Variants in PIAS2 observed in about 807,000 individuals in gnomAD.
PIAS2 encodes E3 SUMO-protein ligase PIAS2.
A neutral mutation model predicts 69.7 loss-of-function variants in PIAS2; 19 were observed. The observed-to-expected ratio is 0.27, with a 90% CI of 0.19 to 0.40. The LOEUF (loss-of-function observed/expected upper bound fraction) is 0.40, where lower values mean the gene tolerates loss of function less well. Ranked by LOEUF, PIAS2 falls within the 10% of genes least tolerant of loss-of-function variation. The pLI, the probability that PIAS2 is intolerant of heterozygous loss-of-function variation, is 1.00. For synonymous variants in PIAS2, 261 were observed against 263.2 expected, an observed-to-expected ratio of 0.99 and a Z score of 0.08; for missense variants, 624 against 757.0, an observed-to-expected ratio of 0.82 and a Z score of 2.06.
intron 12 of PIAS2, among the ~76,000 whole-genome samples, chr18:46,819,813 T>C (rs2041971520): frequency 1.3e-5 from 2 of 152,062 alleles, no homozygotes; most frequent in South Asian, 2.1e-4. Context: ...GCAAAAGCAA[T>C]AGCTATGGAG....
chr18:46,904,680 G>A (rs2056355526), intron 1 of PIAS2, among the ~76,000 whole-genome samples: 1 of 151,924 alleles, frequency 6.6e-6, no homozygotes, highest in African/African-American at 2.4e-5. Flanking sequence ...GAACCCACGA[G>A]GTGGAGGTTG....
At chr18:46,899,902 A>G (rs1345617929) in intron 1 of PIAS2, among the ~76,000 whole-genome samples, 1 of 152,224 alleles carries the variant, frequency 6.6e-6, no homozygotes, top group African/African-American at 2.4e-5. Flanking sequence ...TCCTGACAGC[A>G]TCAGGAAAAA....
chr18:46,827,250 T>C (rs919302385), intron 11 of PIAS2: 4 of 152,186 alleles, frequency 2.6e-5, no homozygotes, highest in South Asian at 2.1e-4. Flanking sequence ...TCTCCTTTTA[T>C]GGTTCAAAAC....
chr18:46,863,983 G>A (rs2049048537), intron 3 of PIAS2, among the ~76,000 whole-genome samples, 181 bp downstream of exon 3: 1 of 152,134 alleles, frequency 6.6e-6, no homozygotes, highest in Non-Finnish European at 1.5e-5. Context: ...TGCAAGCCAA[G>A]GAGAAAGGCT....
chr18:46,843,506 A>G (rs2045725416), intron 8 of PIAS2, among the ~76,000 whole-genome samples: 1 of 152,202 alleles, frequency 6.6e-6, no homozygotes, highest in African/African-American at 2.4e-5. Flanking sequence ...AAACTCAATT[A>G]TTAACATTCT....
chr18:46,887,078 C>A (rs981224968), intron 2 of PIAS2, among the ~76,000 whole-genome samples: 2 of 152,026 alleles, frequency 1.3e-5, no homozygotes, highest in Non-Finnish European at 2.9e-5. Flanking sequence ...GAGTCTAAAA[C>A]GTTCTTTTTA....
chr18:46,819,262 T>C (rs1267980910), intron 12 of PIAS2, among the ~76,000 whole-genome samples: 2 of 152,130 alleles, frequency 1.3e-5, no homozygotes, highest in South Asian at 2.1e-4. Flanking sequence ...TAAAAGGCAG[T>C]TGGGAATTAA....
chr18:46,838,460 A>G (rs2044781449), intron 8 of PIAS2, among the ~76,000 whole-genome samples: 1 of 152,206 alleles, frequency 6.6e-6, no homozygotes, highest in Non-Finnish European at 1.5e-5. Flanking sequence ...TCTCACTGCT[A>G]TACTGCCTCT....
intron 13 of PIAS2, among the ~76,000 whole-genome samples, chr18:46,814,089 C>A (rs1230402956): frequency 6.6e-6 from 1 of 152,124 alleles, no homozygotes; most frequent in African/African-American, 2.4e-5. Flanking sequence ...TGCTACAGTG[C>A]TGCCATCAAC....
chr18:46,889,857 A>G (rs55710513), intron 2 of PIAS2, among the ~76,000 whole-genome samples: 11,705 of 152,334 alleles, frequency 0.077, 488 homozygotes, highest in African/African-American at 0.1. Flanking sequence ...GTGGTATCCT[A>G]TAACACAGAA....
chr18:46,832,938 T>G (rs376810531), intron 9 of PIAS2, among the ~76,000 whole-genome samples: 1 of 147,294 alleles, frequency 6.8e-6, no homozygotes, highest in Non-Finnish European at 1.5e-5. Context: ...TTAATGAGAA[T>G]GAGGAGCAAT....
intron 12 of PIAS2, chr18:46,816,702 A>G (rs2041588692): frequency 3.1e-6 from 2 of 647,622 alleles, no homozygotes; most frequent in African/African-American, 3.9e-5. Flanking sequence ...TCCAGAGCTC[A>G]AGTGATCCTC....
At chr18:46,846,568 C>A (rs2046194169) in intron 6 of PIAS2, 139 bp downstream of exon 6, 1 of 784,220 alleles carries the variant, frequency 1.3e-6, no homozygotes, top group East Asian at 2.8e-5. Flanking sequence ...ACACTGCCAC[C>A]TCTAAACTGA....
intron 11 of PIAS2, among the ~76,000 whole-genome samples, chr18:46,823,377 T>A (rs1045447510): frequency 3.3e-5 from 5 of 152,198 alleles, no homozygotes; most frequent in Non-Finnish European, 7.3e-5. Flanking sequence ...CTGGAGATTT[T>A]CTTTTGTTTT....
At chr18:46,902,113 AC>A (rs2055953358) in intron 1 of PIAS2, among the ~76,000 whole-genome samples, 1 of 152,216 alleles carries the variant, frequency 6.6e-6, no homozygotes, top group African/African-American at 2.4e-5. Flanking sequence ...ATCTTTATAC[AC>A]TAAAAATGAA....
At chr18:46,911,695 G>A (rs1249152385) in intron 1 of PIAS2, among the ~76,000 whole-genome samples, 3 of 152,214 alleles carry the variant, frequency 2.0e-5, no homozygotes, top group South Asian at 2.1e-4. Context: ...CTTTAGAAGA[G>A]TTATAAAACA....
rs999904376 is a variant in PIAS2 at position 46,816,102 on chromosome 18, G to A, written c.1649-753C>T. 78 of 984,806 alleles carry A rather than the reference G, an allele frequency of 7.9e-5. No individual in the cohort carries two copies. In the African/African-American group the frequency reaches 1.3e-3, roughly 16 times the overall value. 61.0% of individuals were successfully genotyped at this position (984,806 alleles called of 1,614,324 possible). A position where few individuals can be genotyped will look rare whatever the true frequency, so the allele number is the denominator to read the frequency against. On this transcript the variant is annotated intron_variant, in intron 12 of 13. Coordinates refer to ENST00000585916, the MANE Select transcript of PIAS2 (RefSeq NM_004671.5). ...TCAGTTCACCTAGACCTCCCTGTGTGACTAAACTCTCTTTAATTATTTCAA... is the reference window on the plus strand; with the variant it reads ...TCAGTTCACCTAGACCTCCCTGTGTAACTAAACTCTCTTTAATTATTTCAA...
intron 9 of PIAS2, among the ~76,000 whole-genome samples, chr18:46,832,672 C>T (rs561010222): frequency 6.6e-6 from 1 of 152,054 alleles, no homozygotes; most frequent in African/African-American, 2.4e-5. Flanking sequence ...GGGTGGATCA[C>T]CTGAGGTCAG....
At chr18:46,860,261 C>T (rs1413596202) in intron 3 of PIAS2, among the ~76,000 whole-genome samples, 1 of 152,220 alleles carries the variant, frequency 6.6e-6, no homozygotes, top group Non-Finnish European at 1.5e-5. Flanking sequence ...ATCTCCCCAG[C>T]TGATGCTAAT....
Sources: allele counts gnomAD v4.1 joint callset (sites outside exome capture counted in the v4.1 genomes callset), GRCh38; gene constraint gnomAD v4.1.1; transcripts MANE v1.5; gene names NCBI Gene and HGNC (gene_info 2026-07-23, HGNC 2026-07-21).